SH3GL3: variants seen among roughly 807,000 people sequenced by gnomAD.
The protein encoded by SH3GL3 is SH3 domain containing GRB2 like 3, endophilin A3.
SH3GL3 carries 33 observed loss-of-function variants against 47.7 expected under a neutral mutation model. The ratio of observed to expected loss-of-function variants is 0.69; its 90% CI spans 0.52 to 0.92. The LOEUF (loss-of-function observed/expected upper bound fraction) is 0.92, where lower values mean the gene tolerates loss of function less well. Ranked by LOEUF, SH3GL3 falls within the 40% of genes least tolerant of loss-of-function variation. SH3GL3 has a pLI of 0.00. For synonymous variants in SH3GL3, 155 were observed against 148.8 expected (o/e 1.04, Z -0.30); for missense variants, 363 against 417.8 (o/e 0.87, Z 1.14).
chr15:83,569,084 A>T (rs2045694686), intron 4 of SH3GL3, among the ~76,000 whole-genome samples: 1 of 152,002 alleles, frequency 6.6e-6, no homozygotes, highest in Admixed American at 6.6e-5. Flanking sequence ...TTAAATAGAG[A>T]CAGGGTTTCG....
chr15:83,593,311 G>T (rs2060154554), intron 8 of SH3GL3, among the ~76,000 whole-genome samples: 1 of 152,170 alleles, frequency 6.6e-6, no homozygotes. Flanking sequence ...ACAATATTGA[G>T]TGTTCCAGGC....
chr15:83,510,517 T>A (rs1489583577), intron 1 of SH3GL3, among the ~76,000 whole-genome samples: 1 of 152,220 alleles, frequency 6.6e-6, no homozygotes, highest in African/African-American at 2.4e-5. Flanking sequence ...GTCAATGAAT[T>A]GCTTTAGCAA....
At chr15:83,604,281 G>T (rs2060462149) in intron 8 of SH3GL3, among the ~76,000 whole-genome samples, 2 of 152,322 alleles carry the variant, frequency 1.3e-5, no homozygotes, top group Admixed American at 6.5e-5. Flanking sequence ...CCAGGGCTCA[G>T]TCCTTGCCCC....
intron 1 of SH3GL3, among the ~76,000 whole-genome samples, chr15:83,489,575 G>A (rs1009339157): frequency 1.3e-5 from 2 of 152,220 alleles, no homozygotes; most frequent in Non-Finnish European, 2.9e-5. Context: ...AACTAAAAAT[G>A]TAAAGATCCT....
intron 4 of SH3GL3, among the ~76,000 whole-genome samples, chr15:83,569,369 A>G (rs573152693): frequency 6.6e-6 from 1 of 152,340 alleles, no homozygotes; most frequent in South Asian, 2.1e-4. Context: ...ATAATATTCC[A>G]TGTATCATAG....
intron 6 of SH3GL3, among the ~76,000 whole-genome samples, chr15:83,582,928 A>T (rs2059867685): frequency 6.6e-6 from 1 of 152,244 alleles, no homozygotes; most frequent in African/African-American, 2.4e-5. Flanking sequence ...AGAAACTCTG[A>T]ATAAAGGCTT....
chr15:83,517,910 C>A (rs2642816), intron 1 of SH3GL3, among the ~76,000 whole-genome samples: 1 of 152,052 alleles, frequency 6.6e-6, no homozygotes. Flanking sequence ...TCTCCCTCCC[C>A]CTTCTAGTAG....
At chr15:83,575,799 G>A (rs1225574857) in intron 5 of SH3GL3, among the ~76,000 whole-genome samples, 1 of 152,112 alleles carries the variant, frequency 6.6e-6, no homozygotes, top group Non-Finnish European at 1.5e-5. Flanking sequence ...CACTTTCGAT[G>A]CCTGGTATCT....
At chr15:83,619,408 C>T (rs1308296713), downstream of SH3GL3, among the ~76,000 whole-genome samples, 1 of 152,074 alleles carries the variant, frequency 6.6e-6, no homozygotes, top group Non-Finnish European at 1.5e-5. Context: ...CACACTGGGG[C>T]CTGTTGCTGG....
intron 1 of SH3GL3, among the ~76,000 whole-genome samples, chr15:83,508,024 C>T (rs1164296376): frequency 2.0e-5 from 3 of 151,770 alleles, no homozygotes; most frequent in Non-Finnish European, 4.4e-5. Context: ...TCACTGCAAC[C>T]TCCACCTCCC....
the SH3GL3 span, among the ~76,000 whole-genome samples, chr15:83,629,121 T>C: frequency 2.0e-5 from 3 of 152,246 alleles, no homozygotes; most frequent in Non-Finnish European, 4.4e-5. Context: ...AATGGAGTTA[T>C]ACCATATATT....
At chr15:83,616,706 C>T (rs1303425880) in intron 8 of SH3GL3, among the ~76,000 whole-genome samples, 1 of 151,592 alleles carries the variant, frequency 6.6e-6, no homozygotes, top group Non-Finnish European at 1.5e-5. Context: ...AGCTCTTTTT[C>T]CCAAAGAATT....
chr15:83,591,094 G>A (rs1277325893), intron 8 of SH3GL3, among the ~76,000 whole-genome samples: 6 of 151,992 alleles, frequency 3.9e-5, no homozygotes, highest in Admixed American at 6.6e-5. Context: ...TGCAACCTCC[G>A]CCTCCCAGGT....
At chr15:83,450,804 A>ATTTTTT (rs34099509) in intron 1 of SH3GL3, among the ~76,000 whole-genome samples, 9 of 58,788 alleles carry the variant, frequency 1.5e-4, no homozygotes, top group Non-Finnish European at 2.0e-4. Flanking sequence ...TTTTTTTTTA[A>ATTTTTT]TTTTTTTTTT....
In SH3GL3 at chr15:83,478,112, C is replaced by T. The variant is rs377458202; in HGVS notation, c.45+30534C>T. Among the ~76,000 whole-genome samples the T allele has an allele frequency of 4.6e-5, 7 of 152,152 alleles. No homozygotes were observed. In the South Asian group the frequency reaches 6.2e-4, roughly 14 times the overall value. On this transcript the variant is annotated intron_variant, in intron 1 of 8. Coordinates refer to ENST00000427482, the MANE Select transcript of SH3GL3 (RefSeq NM_003027.5). ...GACAGTGAGGGCCAGTTCATTAAAC[C>T]GAAAGCTGAAGGGACAGGGTCTAGT... is the stretch of plus-strand genomic sequence containing the variant.
In SH3GL3 at chr15:83,583,993, C is replaced by G. The variant is rs1429787597; in HGVS notation, c.625-2990C>G. 2.6e-5 allele frequency among the ~76,000 whole-genome samples: 4 copies of G among 152,168 alleles called. No homozygotes were observed. The East Asian group carries it at 7.7e-4, about 29-fold the overall frequency. On this transcript the variant is annotated intron_variant, in intron 6 of 8. Coordinates refer to ENST00000427482, the MANE Select transcript of SH3GL3 (RefSeq NM_003027.5). ...AGGATGGGCTAAAGCAGCTCTGTAT[C>G]AGTTTCCTATTGGGGCCATAACAAA...
chr15:83,543,480 G>C (rs933450300), intron 1 of SH3GL3, among the ~76,000 whole-genome samples: 1 of 151,844 alleles, frequency 6.6e-6, no homozygotes, highest in Non-Finnish European at 1.5e-5. Flanking sequence ...ATGTATCTTT[G>C]ACTGGTTTAG....
chr15:83,617,391 T>G (rs371098764), intron 8 of SH3GL3, among the ~76,000 whole-genome samples: 4 of 152,104 alleles, frequency 2.6e-5, no homozygotes, highest in Admixed American at 2.0e-4. Flanking sequence ...TTTAAAAGAT[T>G]TTTGGCCATG....
At chr15:83,462,630 ACTC>A (rs2040359130) in intron 1 of SH3GL3, among the ~76,000 whole-genome samples, 1 of 152,072 alleles carries the variant, frequency 6.6e-6, no homozygotes, top group Admixed American at 6.5e-5. Context: ...GATTTGTCAT[ACTC>A]CTGTTGTTTT....
Sources: allele counts gnomAD v4.1 joint callset (sites outside exome capture counted in the v4.1 genomes callset), GRCh38; gene constraint gnomAD v4.1.1; transcripts MANE v1.5; gene names NCBI Gene and HGNC (gene_info 2026-07-23, HGNC 2026-07-21).